Variants in ZNF536 observed in about 807,000 individuals in gnomAD.
ZNF536 encodes the protein zinc finger protein 536.
A neutral mutation model predicts 84.5 loss-of-function variants in ZNF536; 13 were observed. The observed-to-expected ratio is 0.15, with a 90% CI of 0.10 to 0.24. The LOEUF (loss-of-function observed/expected upper bound fraction) is 0.24. Ranked by LOEUF, ZNF536 falls within the 10% of genes least tolerant of loss-of-function variation. ZNF536 has a pLI of 1.00. For missense variants in ZNF536, 1,536 were observed against 1,747.5 expected (o/e 0.88, Z 2.16); for synonymous variants, 811 against 742.5 (o/e 1.09, Z -1.50).
intron 1 of ZNF536, among the ~76,000 whole-genome samples, chr19:30,603,249 A>G (rs938106354): frequency 6.6e-6 from 1 of 152,228 alleles, no homozygotes; most frequent in Non-Finnish European, 1.5e-5. Context: ...GAAACAGAGT[A>G]GAGGCCTTAA....
At chr19:30,481,015 T>TTAGA (rs145046395) in intron 2 of ZNF536, among the ~76,000 whole-genome samples, 1 of 147,860 alleles carries the variant, frequency 6.8e-6, no homozygotes, top group Non-Finnish European at 1.5e-5. Context: ...GGCAACAGAG[T>TTAGA]TAGACCCTGT....
chr19:30,439,600 G>A (rs1028287000), intron 1 of ZNF536, among the ~76,000 whole-genome samples: 5 of 152,138 alleles, frequency 3.3e-5, no homozygotes, highest in African/African-American at 4.8e-5. Flanking sequence ...CAGCGGCCTC[G>A]GCTGCACCTG....
At chr19:30,378,772 A>G (rs2147132314) in intron 1 of ZNF536, among the ~76,000 whole-genome samples, 1 of 152,360 alleles carries the variant, frequency 6.6e-6, no homozygotes, top group East Asian at 1.9e-4. Context: ...AAAGAAAAGC[A>G]TGAAACCTTG....
intron 1 of ZNF536, among the ~76,000 whole-genome samples, chr19:30,595,480 G>A (rs2047431614): frequency 6.6e-6 from 1 of 152,048 alleles, no homozygotes; most frequent in African/African-American, 2.4e-5. Context: ...TAGATATGGG[G>A]TCTCTCTATG....
At chr19:30,357,520 T>A (rs2048135653) in intron 3 of ZNF536, among the ~76,000 whole-genome samples, 1 of 152,034 alleles carries the variant, frequency 6.6e-6, no homozygotes, top group Non-Finnish European at 1.5e-5. Flanking sequence ...GCGGAGATGC[T>A]CCTAGGTGCC....
intron 2 of ZNF536, among the ~76,000 whole-genome samples, chr19:30,346,870 G>C (rs1337980184): frequency 6.6e-6 from 1 of 152,140 alleles, no homozygotes; most frequent in Non-Finnish European, 1.5e-5. Flanking sequence ...CCCAGTAATG[G>C]GATTGCTAGG....
intron 1 of ZNF536, among the ~76,000 whole-genome samples, chr19:30,246,712 G>T (rs575896145): frequency 6.6e-6 from 1 of 152,320 alleles, no homozygotes; most frequent in South Asian, 2.1e-4. Flanking sequence ...ATGATCTCCT[G>T]TTGAATTGTT....
intron 2 of ZNF536, among the ~76,000 whole-genome samples, chr19:30,504,656 C>A (rs1368673265): frequency 7.0e-6 from 1 of 143,288 alleles, no homozygotes; most frequent in Non-Finnish European, 1.5e-5. Flanking sequence ...CTCTCACTCT[C>A]CTGCCCTGTC....
At chr19:30,470,911 C>T (rs2053606029) in intron 2 of ZNF536, among the ~76,000 whole-genome samples, 1 of 151,996 alleles carries the variant, frequency 6.6e-6, no homozygotes, top group African/African-American at 2.4e-5. Context: ...TGGTCTCAAA[C>T]TCCTGACCTC....
intron 1 of ZNF536, among the ~76,000 whole-genome samples, chr19:30,592,262 G>T (rs935382070): frequency 6.6e-6 from 1 of 152,158 alleles, no homozygotes; most frequent in Non-Finnish European, 1.5e-5. Context: ...CAGCACAAAG[G>T]GTTTCAAGTA....
At chr19:30,649,032 C>T (rs528288510) in intron 1 of ZNF536, among the ~76,000 whole-genome samples, 89 of 152,254 alleles carry the variant, frequency 5.8e-4, no homozygotes, top group African/African-American at 1.9e-3. Flanking sequence ...TGGGGTAGGA[C>T]GGCTGGGGTC....
At chr19:30,339,897 C>A (rs574691923) in intron 2 of ZNF536, among the ~76,000 whole-genome samples, 1 of 152,254 alleles carries the variant, frequency 6.6e-6, no homozygotes, top group East Asian at 1.9e-4. Context: ...TCTCCTTCTG[C>A]CCCAGATATC....
chr19:30,507,370 A>G (rs1821880775), intron 2 of ZNF536, among the ~76,000 whole-genome samples: 1 of 152,192 alleles, frequency 6.6e-6, no homozygotes, highest in African/African-American at 2.4e-5. Context: ...CCAAAAAACA[A>G]AAAACAAAAA....
At chr19:30,635,317 C>T (rs2049028558) in intron 1 of ZNF536, among the ~76,000 whole-genome samples, 1 of 152,228 alleles carries the variant, frequency 6.6e-6, no homozygotes, top group Admixed American at 6.5e-5. Flanking sequence ...GAAAAGATGA[C>T]AGTCCAATTC....
At chr19:30,571,612 G>T (rs1416683984) in intron 1 of ZNF536, among the ~76,000 whole-genome samples, 1 of 152,150 alleles carries the variant, frequency 6.6e-6, no homozygotes, top group Non-Finnish European at 1.5e-5. Context: ...CTTGGTGCTG[G>T]CCCTACATGT....
At chr19:30,697,412 A>G (rs1049429628) in intron 1 of ZNF536, among the ~76,000 whole-genome samples, 1 of 152,220 alleles carries the variant, frequency 6.6e-6, no homozygotes, top group Non-Finnish European at 1.5e-5. Flanking sequence ...GTTACCATGC[A>G]ATGGGCACGT....
chr19:30,606,282 AAAATAAAAT>A (rs376100009), intron 1 of ZNF536, among the ~76,000 whole-genome samples: 19,372 of 70,654 alleles, frequency 0.27, 2,073 homozygotes, highest in South Asian at 0.35. Context: ...AAAATAAAAT[AAAATAAAAT>A]AAATAAAATA....
At chr19:30,377,858 C>T (rs2048876433) in intron 1 of ZNF536, among the ~76,000 whole-genome samples, 1 of 152,174 alleles carries the variant, frequency 6.6e-6, no homozygotes, top group Non-Finnish European at 1.5e-5. Context: ...TCCAGCAGGT[C>T]TCAGCCTCAT....
At chr19:30,275,573 G>T (rs1320438901) in intron 1 of ZNF536, among the ~76,000 whole-genome samples, 1 of 152,078 alleles carries the variant, frequency 6.6e-6, no homozygotes, top group Non-Finnish European at 1.5e-5. Context: ...TCACAGCATG[G>T]GTCATGGAAT....
Sources: gnomAD v4.1 joint callset for allele counts (sites outside exome capture counted in the v4.1 genomes callset) on GRCh38, gnomAD v4.1.1 for gene constraint, MANE v1.5 for transcripts, NCBI Gene and HGNC (gene_info 2026-07-23, HGNC 2026-07-21) for gene names.